The following DLGAP2 variants were observed in gnomAD, a reference collection of about 807,000 sequenced individuals.
The protein encoded by DLGAP2 is disks large-associated protein 2.
In DLGAP2, 26 loss-of-function variants were observed where a neutral mutation model predicts 100.3. That is an observed-to-expected ratio of 0.26 (90% CI 0.19 to 0.36). The LOEUF (loss-of-function observed/expected upper bound fraction) is 0.36. Among genes scored for constraint, DLGAP2 ranks in the 10% least tolerant of loss-of-function variants. DLGAP2 has a pLI of 1.00. For synonymous variants in DLGAP2, 886 were observed against 630.1 expected, an observed-to-expected ratio of 1.41 and a Z score of -6.08; for missense variants, 1,858 against 1,453.2, an observed-to-expected ratio of 1.28 and a Z score of -4.53.
chr8:927,888 C>T (rs572981581), intron 2 of DLGAP2, among the ~76,000 whole-genome samples: 1 of 152,322 alleles, frequency 6.6e-6, no homozygotes, highest in Non-Finnish European at 1.5e-5. Context: ...CCACAAAGGA[C>T]CAGCACACAG....
chr8:1,388,675 C>G lies in DLGAP2; in HGVS notation c.107-112691C>G, dbSNP rs1212589924. Among the ~76,000 whole-genome samples, 5 of 80,280 alleles carry G rather than the reference C, an allele frequency of 6.2e-5. 2 individuals carry two copies. The highest frequency in any genetic ancestry group is 1.3e-4 in the Non-Finnish European group (5 of 37,084). 52.7% of individuals were successfully genotyped at this position (80,280 alleles called of 152,430 possible). On this transcript the variant is annotated intron_variant, in intron 3 of 14. Coordinates refer to ENST00000637795, the MANE Select transcript of DLGAP2 (RefSeq NM_001346810.2). ...GAGGCAGACGCCGTGGAAGAGGAGG[C>G]GCTGGTTCAGGTGTCAGGGCTGTAA...
chr8:853,347 G>A (rs1797216087), intron 1 of DLGAP2, among the ~76,000 whole-genome samples: 3 of 152,334 alleles, frequency 2.0e-5, no homozygotes, highest in South Asian at 2.1e-4. Context: ...CTGTGACCAC[G>A]CATGTCGTCC....
intron 5 of DLGAP2, among the ~76,000 whole-genome samples, chr8:1,558,532 C>T (rs916211513): frequency 6.7e-6 from 1 of 149,622 alleles, no homozygotes; most frequent in Non-Finnish European, 1.5e-5. Flanking sequence ...CACCCATATA[C>T]CTGCACACAT....
Position 1,281,793 on chromosome 8 carries a change from C to T in DLGAP2, c.106+22910C>T, listed in dbSNP as rs542782952. 1.1e-4 allele frequency among the ~76,000 whole-genome samples: 16 copies of T among 152,298 alleles called. No individual in the cohort carries two copies. In the East Asian group the frequency reaches 2.7e-3, roughly 26 times the overall value. ...AGATGGGAACAGAGGCGTGGAGGGACGCGGTCCCACCCCACCAGCCTTTGA... is the reference window on the plus strand; with the variant it reads ...AGATGGGAACAGAGGCGTGGAGGGATGCGGTCCCACCCCACCAGCCTTTGA... On this transcript the variant is annotated intron_variant, in intron 3 of 14. Coordinates refer to ENST00000637795, the MANE Select transcript of DLGAP2 (RefSeq NM_001346810.2).
chr8:1,216,533 CTA>C (rs2116800946), intron 2 of DLGAP2, among the ~76,000 whole-genome samples: 1 of 151,924 alleles, frequency 6.6e-6, no homozygotes, highest in South Asian at 2.1e-4. Flanking sequence ...GATTGTCTCA[CTA>C]TGTTGCCCAG....
chr8:1,279,905 A>C (rs1280340708), intron 3 of DLGAP2, among the ~76,000 whole-genome samples: 1 of 152,214 alleles, frequency 6.6e-6, no homozygotes, highest in Non-Finnish European at 1.5e-5. Context: ...GAAGGGGTTC[A>C]TACACGTTCA....
intron 3 of DLGAP2, among the ~76,000 whole-genome samples, chr8:1,468,667 G>T (rs1293837772): frequency 6.6e-6 from 1 of 152,124 alleles, no homozygotes; most frequent in African/African-American, 2.4e-5. Context: ...TATTTACTGG[G>T]GCTGCCGTAA....
At chr8:1,288,587 A>AGT (rs1156600747) in intron 3 of DLGAP2, among the ~76,000 whole-genome samples, 15,190 of 119,634 alleles carry the variant, frequency 0.13, 1,122 homozygotes, top group East Asian at 0.24. Context: ...GTTTCAGTTG[A>AGT]GTGTGTGTGT....
chr8:885,055 T>G (rs927912274), intron 1 of DLGAP2, among the ~76,000 whole-genome samples: 1 of 152,240 alleles, frequency 6.6e-6, no homozygotes, highest in Non-Finnish European at 1.5e-5. Flanking sequence ...TAGTTTGATG[T>G]CAGGTAGCAT....
At chr8:1,093,519 A>G (rs1478303158) in intron 2 of DLGAP2, among the ~76,000 whole-genome samples, 1 of 151,792 alleles carries the variant, frequency 6.6e-6, no homozygotes, top group East Asian at 1.9e-4. Flanking sequence ...ACCAACAGCC[A>G]GACCGAAACA....
chr8:1,675,458 T>G (rs1340178929), intron 10 of DLGAP2, among the ~76,000 whole-genome samples: 1 of 152,228 alleles, frequency 6.6e-6, no homozygotes, highest in East Asian at 1.9e-4. Flanking sequence ...ACGCACCAAA[T>G]AAGTCTTCGC....
intron 2 of DLGAP2, among the ~76,000 whole-genome samples, chr8:982,220 G>A (rs763363862): frequency 6.6e-6 from 1 of 152,210 alleles, no homozygotes; most frequent in Non-Finnish European, 1.5e-5. Context: ...GATAATAACA[G>A]TACCTAACCC....
intron 1 of DLGAP2, among the ~76,000 whole-genome samples, chr8:744,726 A>C (rs953017429): frequency 2.0e-5 from 3 of 151,056 alleles, no homozygotes; most frequent in Admixed American, 2.0e-4. Flanking sequence ...TCCCACGGTC[A>C]CTCCCTGTTC....
At chr8:1,333,501 G>C (rs1004259626) in intron 3 of DLGAP2, among the ~76,000 whole-genome samples, 1 of 152,034 alleles carries the variant, frequency 6.6e-6, no homozygotes, top group Non-Finnish European at 1.5e-5. Flanking sequence ...CTCTTCCACA[G>C]ACAGGGGTTC....
At chr8:1,003,887 TCTTA>T (rs1801032846) in intron 2 of DLGAP2, among the ~76,000 whole-genome samples, 1 of 152,232 alleles carries the variant, frequency 6.6e-6, no homozygotes, top group Non-Finnish European at 1.5e-5. Context: ...TACAGACATT[TCTTA>T]CTTGTGTTTT....
intron 1 of DLGAP2, among the ~76,000 whole-genome samples, chr8:819,746 A>G (rs1796550760): frequency 6.6e-6 from 1 of 152,234 alleles, no homozygotes; most frequent in East Asian, 1.9e-4. Flanking sequence ...TAAGATTTAT[A>G]GGAAAAACAA....
chr8:1,109,981 C>G (rs1195295260), intron 2 of DLGAP2, among the ~76,000 whole-genome samples: 4 of 109,176 alleles, frequency 3.7e-5, no homozygotes, highest in African/African-American at 1.2e-4. Context: ...GTGTACGGGT[C>G]TGTGAGGTGT....
At chr8:827,361 G>T (rs1310164098) in intron 1 of DLGAP2, among the ~76,000 whole-genome samples, 9 of 152,182 alleles carry the variant, frequency 5.9e-5, no homozygotes, top group Admixed American at 5.2e-4. Flanking sequence ...TAGCAGACTT[G>T]CATGCAAATT....
At chr8:1,067,121 C>A (rs1803279249) in intron 2 of DLGAP2, among the ~76,000 whole-genome samples, 1 of 152,168 alleles carries the variant, frequency 6.6e-6, no homozygotes, top group African/African-American at 2.4e-5. Context: ...CTCCGCACAG[C>A]CCCCTCTGTG....
Sources: gnomAD v4.1 joint callset for allele counts (sites outside exome capture counted in the v4.1 genomes callset) on GRCh38, gnomAD v4.1.1 for gene constraint, MANE v1.5 for transcripts, NCBI Gene and HGNC (gene_info 2026-07-23, HGNC 2026-07-21) for gene names.